CFAP44: variants seen among roughly 807,000 people sequenced by gnomAD.
The protein encoded by CFAP44 is cilia- and flagella-associated protein 44.
In CFAP44, 134 loss-of-function variants were observed where a neutral mutation model predicts 216.2. That is an observed-to-expected ratio of 0.62 (90% CI 0.54 to 0.72). CFAP44 has a LOEUF of 0.72. Among genes scored for constraint, CFAP44 ranks in the 30% least tolerant of loss-of-function variants. CFAP44 has a pLI of 0.00. For missense variants in CFAP44, 2,035 were observed against 2,182.1 expected (o/e 0.93, Z 1.34); for synonymous variants, 700 against 727.6 (o/e 0.96, Z 0.61).
chr3:113,416,593 T>G lies in CFAP44; in HGVS notation c.605A>C (p.Glu202Ala). The G allele has an allele frequency of 6.2e-7, 1 of 1,612,302 alleles. No homozygotes were observed. Among genetic ancestry groups the G allele is most frequent in the Non-Finnish European group, 8.5e-7 (1 of 1,178,938 alleles). The stretch of plus-strand genomic sequence containing the variant: ...GATAATATCTGGAAAACTCCCTTTT[T>G]CAGCTACTGTGAAATAAGTTTTATG... Reference protein sequence around the residue: ...HPHKTYFTVAEKGSFPDIIIY... With the variant: ...HPHKTYFTVAAKGSFPDIIIY... Residue 202 changes from glutamate (E) to alanine (A), a missense_variant, in exon 6 of 35, where the codon GAA (glutamate) becomes GCA (alanine). Coordinates refer to ENST00000393845, the MANE Select transcript of CFAP44 (RefSeq NM_001164496.2).
chr3:113,324,717 C>T (rs1019884158), intron 28 of CFAP44, among the ~76,000 whole-genome samples: 1 of 152,022 alleles, frequency 6.6e-6, no homozygotes, highest in Non-Finnish European at 1.5e-5. Flanking sequence ...GATGTTCTAG[C>T]CATGCAATAA....
rs940833809 is a variant in CFAP44, at chr3:113,441,389, C to T, written c.-6+64G>A. On this transcript the variant is annotated intron_variant, in intron 1 of 34. Coordinates refer to ENST00000393845, the MANE Select transcript of CFAP44 (RefSeq NM_001164496.2). ...GAGAAGCCCAAGTGGGGTTCACTGCCCTCTGAGCCACAGATTTAAGGGGGA... is the reference window on the plus strand; with the variant it reads ...GAGAAGCCCAAGTGGGGTTCACTGCTCTCTGAGCCACAGATTTAAGGGGGA... 6 of 985,676 alleles carry T rather than the reference C, an allele frequency of 6.1e-6. No homozygotes were observed. The South Asian group carries it at 2.8e-4, about 46-fold the overall frequency. The allele number at this position is 985,676 out of a possible 1,614,324, so 61.1% of individuals were successfully genotyped here.
intron 8 of CFAP44, among the ~76,000 whole-genome samples, chr3:113,404,640 C>G (rs938219505): frequency 6.6e-6 from 1 of 152,102 alleles, no homozygotes; most frequent in Non-Finnish European, 1.5e-5. Context: ...TGCAAAAAAC[C>G]ATATGAACTA....
intron 28 of CFAP44, among the ~76,000 whole-genome samples, chr3:113,323,829 G>A (rs1432114379): frequency 6.6e-6 from 1 of 152,084 alleles, no homozygotes; most frequent in Non-Finnish European, 1.5e-5. Context: ...GGAACACAAG[G>A]TCAGGAGATC....
chr3:113,436,428 A>G (rs912417818), intron 1 of CFAP44, among the ~76,000 whole-genome samples: 1 of 152,216 alleles, frequency 6.6e-6, no homozygotes, highest in African/African-American at 2.4e-5. Context: ...GGCATTGCAG[A>G]GGATACAAAG....
intron 6 of CFAP44, among the ~76,000 whole-genome samples, chr3:113,411,947 A>G: frequency 7.0e-6 from 1 of 143,294 alleles, no homozygotes; most frequent in Admixed American, 7.0e-5. Context: ...TCTGTCTGTT[A>G]TTGGTGTATA....
At chr3:113,317,103 C>T (rs1044916585) in intron 28 of CFAP44, among the ~76,000 whole-genome samples, 2 of 152,212 alleles carry the variant, frequency 1.3e-5, no homozygotes, top group Admixed American at 6.5e-5. Flanking sequence ...TCTCCCCAAA[C>T]AGCTACTGGG....
In CFAP44 at chr3:113,396,367, C is replaced by T. The variant is rs115184130; in HGVS notation, c.1779+151G>A. On this transcript the variant is annotated intron_variant, in intron 14 of 34. Transcript: ENST00000393845. ...TAAAAAGAGGGTTATTCACAGACTA[C>T]GCTGAAAGAATATGACTACAAAGAA... The T allele has an allele frequency of 2.3e-3, 1,848 of 809,100 alleles. 31 individuals carry two copies. In the African/African-American group the frequency reaches 0.028, roughly 12 times the overall value. 50.1% of individuals were successfully genotyped at this position (809,100 alleles called of 1,614,324 possible).
intron 22 of CFAP44, among the ~76,000 whole-genome samples, chr3:113,348,736 C>T (rs1231304030): frequency 2.0e-5 from 3 of 152,156 alleles, no homozygotes; most frequent in Non-Finnish European, 4.4e-5. Context: ...GAATTTGGCC[C>T]AACCCGGGTA....
At chr3:113,393,007 T>C (rs773000145) in intron 15 of CFAP44, among the ~76,000 whole-genome samples, 62 of 152,258 alleles carry the variant, frequency 4.1e-4, no homozygotes, top group Non-Finnish European at 7.6e-4. Flanking sequence ...GCTGCCAAAG[T>C]GAACATGGTA....
chr3:113,407,384 A>G (rs1934317325), intron 7 of CFAP44, among the ~76,000 whole-genome samples: 1 of 152,228 alleles, frequency 6.6e-6, no homozygotes, highest in South Asian at 2.1e-4. Context: ...TTAGTGTTTC[A>G]GTCACACTAG....
chr3:113,345,401 ATATGT>A (rs1950371771), intron 22 of CFAP44, among the ~76,000 whole-genome samples: 1 of 152,126 alleles, frequency 6.6e-6, no homozygotes, highest in African/African-American at 2.4e-5. Flanking sequence ...TGGTGTATAT[ATATGT>A]GTGTGTTTCC....
chr3:113,429,467 G>A (rs1252515473), intron 2 of CFAP44, among the ~76,000 whole-genome samples: 1 of 151,956 alleles, frequency 6.6e-6, no homozygotes, highest in African/African-American at 2.4e-5. Flanking sequence ...TTTGCATGAT[G>A]TATCTTTTTC....
At chr3:113,406,675 C>T (rs924818695) in intron 8 of CFAP44, among the ~76,000 whole-genome samples, 1 of 151,118 alleles carries the variant, frequency 6.6e-6, no homozygotes, top group African/African-American at 2.4e-5. Context: ...TATGAAAATG[C>T]TCACATACTT....
rs1950513711 is a variant in CFAP44 at position 113,358,808 on chromosome 3, A to C, written c.3002T>G (p.Val1001Gly). The C allele has an allele frequency of 6.5e-7, 1 of 1,536,638 alleles. No homozygotes were observed. Among genetic ancestry groups the C allele is most frequent in the Non-Finnish European group, 8.7e-7 (1 of 1,146,600 alleles). ...TTTTTCCCAAGCTAATTCCTTTTCC[A>C]CTTGTTGAATTTTGAAAGCTGTTTT... is the stretch of plus-strand genomic sequence containing the variant. ...HRKTAFKIQQ[V>G]EKELAWEKEK... The change falls in exon 22 of 35, where the codon GTG (valine) becomes GGG (glycine). Residue 1001 changes from valine to glycine, a missense_variant. Physicochemically the swap from Val to Gly is moderately radical, Grantham distance 109 (BLOSUM62 -3). Transcript: ENST00000393845.
intron 18 of CFAP44, among the ~76,000 whole-genome samples, chr3:113,368,298 C>G (rs1402749606): frequency 6.6e-6 from 1 of 152,088 alleles, no homozygotes; most frequent in Non-Finnish European, 1.5e-5. Context: ...TCAGATTCAC[C>G]AAGGTTGCAA....
At chr3:113,417,384 T>A (rs17322613) in intron 5 of CFAP44, 1 of 152,222 alleles carries the variant, frequency 6.6e-6, no homozygotes, top group African/African-American at 2.4e-5. Flanking sequence ...GATAGCCATA[T>A]AAGTTGGATA....
chr3:113,412,244 G>A (rs972891094), intron 6 of CFAP44, among the ~76,000 whole-genome samples: 11 of 152,004 alleles, frequency 7.2e-5, no homozygotes, highest in Admixed American at 2.0e-4. Flanking sequence ...CAGATGACAT[G>A]GTTGTATATT....
rs148021531 is a variant in CFAP44, at chr3:113,334,767, C to T, written c.3438-1184G>A. 1.9e-3 allele frequency among the ~76,000 whole-genome samples: 291 copies of T among 152,316 alleles called. 2 individuals are homozygous for T. Among genetic ancestry groups the T allele is most frequent in the African/African-American group, 5.7e-3 (238 of 41,560 alleles). On this transcript the variant is annotated intron_variant, in intron 24 of 34. Coordinates refer to ENST00000393845, the MANE Select transcript of CFAP44 (RefSeq NM_001164496.2). ...TATCCAGACTAAAATTGAAGAATTA[C>T]TCTCTACAGAAACTGAACTCTTGCT...
Sources: gnomAD v4.1 joint callset for allele counts (sites outside exome capture counted in the v4.1 genomes callset) on GRCh38, gnomAD v4.1.1 for gene constraint, MANE v1.5 for transcripts, NCBI Gene and HGNC (gene_info 2026-07-23, HGNC 2026-07-21) for gene names.